Variants in SLC24A2 observed in about 807,000 individuals in gnomAD.
SLC24A2 encodes solute carrier family 24 member 2.
SLC24A2 carries 36 observed loss-of-function variants against 62.0 expected under a neutral mutation model. The observed-to-expected ratio is 0.58, with a 90% CI of 0.44 to 0.77. The LOEUF (loss-of-function observed/expected upper bound fraction) is 0.77, where lower values mean the gene tolerates loss of function less well. SLC24A2 is among the 30% of genes least tolerant of loss of function. The pLI is 0.00. For missense variants in SLC24A2, 846 were observed against 817.9 expected, an observed-to-expected ratio of 1.03 and a Z score of -0.42; for synonymous variants, 358 against 294.0, an observed-to-expected ratio of 1.22 and a Z score of -2.23.
At chr9:19,907,237 C>A in the SLC24A2 span, among the ~76,000 whole-genome samples, 2 of 152,182 alleles carry the variant, frequency 1.3e-5, no homozygotes, top group Non-Finnish European at 2.9e-5. Context: ...ATATGATTAT[C>A]TCAATAGATG....
the SLC24A2 span, among the ~76,000 whole-genome samples, chr9:20,248,635 A>T: frequency 6.6e-6 from 1 of 152,276 alleles, no homozygotes; most frequent in Admixed American, 6.5e-5. Context: ...TCTGAATACC[A>T]TCGCATTGGG....
At chr9:19,756,114 G>C (rs747845441) in intron 2 of SLC24A2, among the ~76,000 whole-genome samples, 1 of 152,150 alleles carries the variant, frequency 6.6e-6, no homozygotes, top group Non-Finnish European at 1.5e-5. Flanking sequence ...AGTGCCCTGT[G>C]TGTCCAGCAA....
the SLC24A2 span, among the ~76,000 whole-genome samples, chr9:20,004,644 T>C: frequency 2.0e-5 from 3 of 152,128 alleles, no homozygotes; most frequent in Admixed American, 2.0e-4. Context: ...TGAGCTGGAG[T>C]TTTATAAGGG....
chr9:20,146,305 G>C, the SLC24A2 span, among the ~76,000 whole-genome samples: 1 of 152,136 alleles, frequency 6.6e-6, no homozygotes, highest in Non-Finnish European at 1.5e-5. Context: ...GTCGTGTTGA[G>C]AGAAAAGGAA....
chr9:19,575,370 A>C (rs1451905964), intron 6 of SLC24A2, among the ~76,000 whole-genome samples: 1 of 152,170 alleles, frequency 6.6e-6, no homozygotes, highest in African/African-American at 2.4e-5. Context: ...GCAATGGTCA[A>C]ATTGACCCTA....
At chr9:20,099,537 CA>C in the SLC24A2 span, among the ~76,000 whole-genome samples, 52 of 150,496 alleles carry the variant, frequency 3.5e-4, no homozygotes, top group African/African-American at 1.0e-3. Flanking sequence ...CAATTTTTAA[CA>C]AAAAAAAAGT....
intron 7 of SLC24A2, among the ~76,000 whole-genome samples, chr9:19,568,715 A>G (rs1248431068): frequency 1.3e-5 from 2 of 152,224 alleles, no homozygotes; most frequent in African/African-American, 4.8e-5. Context: ...ACCAAAGCAC[A>G]TTGCTCCTGT....
intron 1 of SLC24A2, 76 bp from the exon 2 acceptor site, chr9:19,787,095 TAA>T (rs1268910692): frequency 3.4e-5 from 27 of 797,016 alleles, no homozygotes; most frequent in Admixed American, 6.2e-5. Context: ...GCAGATATGA[TAA>T]AGTCCTGTCC....
the SLC24A2 span, among the ~76,000 whole-genome samples, chr9:20,266,874 T>A: frequency 1.3e-5 from 2 of 152,166 alleles, no homozygotes; most frequent in African/African-American, 4.8e-5. Context: ...GGCCAGAAGT[T>A]TGAGACCCAC....
chr9:20,168,434 G>A, the SLC24A2 span, among the ~76,000 whole-genome samples: 3 of 151,678 alleles, frequency 2.0e-5, no homozygotes, highest in Admixed American at 1.3e-4. Context: ...CCTACAGAAT[G>A]AAAGAAAATA....
chr9:19,995,691 G>C, the SLC24A2 span, among the ~76,000 whole-genome samples: 4 of 152,198 alleles, frequency 2.6e-5, no homozygotes, highest in African/African-American at 7.2e-5. Context: ...GTAGACATGA[G>C]GAATTTGAGG....
chr9:20,079,469 C>T, the SLC24A2 span, among the ~76,000 whole-genome samples: 1 of 152,152 alleles, frequency 6.6e-6, no homozygotes, highest in Non-Finnish European at 1.5e-5. Context: ...AAATGAAATA[C>T]TATTTTGTTT....
chr9:19,814,244 A>G, the SLC24A2 span, among the ~76,000 whole-genome samples: 2 of 152,156 alleles, frequency 1.3e-5, no homozygotes, highest in African/African-American at 4.8e-5. Flanking sequence ...CCAAATAAAA[A>G]TCAAGATTCT....
intron 7 of SLC24A2, among the ~76,000 whole-genome samples, chr9:19,561,171 C>T (rs940892775): frequency 6.6e-6 from 1 of 151,864 alleles, no homozygotes; most frequent in African/African-American, 2.4e-5. Flanking sequence ...CTCAAGTGAT[C>T]CACCCACCTT....
chr9:19,995,873 C>T, the SLC24A2 span, among the ~76,000 whole-genome samples: 1 of 152,286 alleles, frequency 6.6e-6, no homozygotes, highest in Middle Eastern at 3.4e-3. Flanking sequence ...TGGCCTAGGC[C>T]CCTCTCCTCT....
chr9:20,159,049 C>T, the SLC24A2 span, among the ~76,000 whole-genome samples: 1 of 151,404 alleles, frequency 6.6e-6, no homozygotes, highest in South Asian at 2.1e-4. Context: ...TTCTCAATAG[C>T]AACATAAAAC....
chr9:20,231,129 T>G, the SLC24A2 span, among the ~76,000 whole-genome samples: 1 of 152,186 alleles, frequency 6.6e-6, no homozygotes, highest in Non-Finnish European at 1.5e-5. Flanking sequence ...TTGTTTTGGT[T>G]ACTGTAGCCT....
At chr9:20,132,853 T>C in the SLC24A2 span, among the ~76,000 whole-genome samples, 1 of 152,190 alleles carries the variant, frequency 6.6e-6, no homozygotes, top group Non-Finnish European at 1.5e-5. Flanking sequence ...ACTTTTAGTT[T>C]GTAGTATGTT....
the SLC24A2 span, among the ~76,000 whole-genome samples, chr9:20,102,851 C>G: frequency 6.6e-6 from 1 of 152,106 alleles, no homozygotes; most frequent in African/African-American, 2.4e-5. Context: ...GGGCGCAGGA[C>G]AGTAGGTGCA....
Sources: gnomAD v4.1 joint callset for allele counts (sites outside exome capture counted in the v4.1 genomes callset) on GRCh38, gnomAD v4.1.1 for gene constraint, MANE v1.5 for transcripts, NCBI Gene and HGNC (gene_info 2026-07-23, HGNC 2026-07-21) for gene names.